The following ZNF541 variants were observed in gnomAD, a reference collection of about 807,000 sequenced individuals.
The protein encoded by ZNF541 is zinc finger protein 541.
In ZNF541, 23 loss-of-function variants were observed where a neutral mutation model predicts 123.5. The ratio of observed to expected loss-of-function variants is 0.19; its 90% confidence interval spans 0.13 to 0.26. ZNF541 has a LOEUF of 0.26. Ranked by LOEUF, ZNF541 falls within the 10% of genes least tolerant of loss-of-function variation. ZNF541 has a pLI of 1.00. For synonymous variants in ZNF541, 751 were observed against 754.5 expected (o/e 1.00, Z 0.08); for missense variants, 1,612 against 1,789.9 (o/e 0.90, Z 1.79).
At chr19:47,525,520 T>G (rs1750230433) in intron 14 of ZNF541, among the ~76,000 whole-genome samples, 1 of 152,128 alleles carries the variant, frequency 6.6e-6, no homozygotes, top group South Asian at 2.1e-4. Flanking sequence ...CAAATGAATA[T>G]CCACATGCAA....
chr19:47,536,327 C>T (rs112871980), intron 9 of ZNF541, among the ~76,000 whole-genome samples: 2 of 152,150 alleles, frequency 1.3e-5, no homozygotes, highest in African/African-American at 4.8e-5. Context: ...CAACACTGCA[C>T]CCTCAGTTCA....
Position 47,530,471 on chromosome 19 carries a change from C to T in ZNF541, c.3406-819G>A, listed in dbSNP as rs902237217. ...AAAGTGCTGGGATTACAGGCGTGAG[C>T]CATGCGCCTGGCCTAGCTAACAATT... On this transcript the variant is annotated intron_variant, in intron 12 of 16. Coordinates refer to ENST00000391901, the MANE Select transcript of ZNF541 (RefSeq NM_001277075.3). Among the ~76,000 whole-genome samples the T allele has an allele frequency of 3.3e-5, 5 of 151,882 alleles. No individual in the cohort carries two copies. In the South Asian group the frequency reaches 6.2e-4, roughly 19 times the overall value.
At chr19:47,539,434 G>A (rs1376640518) in intron 8 of ZNF541, among the ~76,000 whole-genome samples, 1 of 151,712 alleles carries the variant, frequency 6.6e-6, no homozygotes, top group African/African-American at 2.4e-5. Context: ...CGAGTAGCTG[G>A]GTTTACAGGT....
Position 47,521,365 on chromosome 19 carries a change from C to A in ZNF541, c.3900G>T (p.Lys1300Asn). The A allele has an allele frequency of 6.4e-7, 1 of 1,551,784 alleles. No individual in the cohort carries two copies. The change falls in exon 17 of 17, where the codon AAG becomes AAT. Residue 1300 changes from lysine (K) to asparagine (N), a missense_variant. Lys to Asn is a moderately conservative substitution (Grantham distance 94). Transcript: ENST00000391901. This position sits in a 1 kb window ranked among gnomAD's most constrained non-coding sequence, Gnocchi z 4.2. ...PCRECERVFD[K>N]IKSRNAHMKR... ...TCATATGGGCATTTCGACTCTTGAT[C>A]TTGTCAAACACCCTGAGGAGTCACC...
Position 47,545,660 on chromosome 19 carries a change from G to T in ZNF541, c.869C>A (p.Pro290His). Reference protein sequence around the residue: ...SSIVHQKTPSPGPAPAGASDS... With the variant: ...SSIVHQKTPSHGPAPAGASDS... ...TGAAGCCCCCGCCGGGGCTGGGCCA[G>T]GAGAAGGGGTCTTCTGGTGGACGAT... The change falls in exon 5 of 17, where the codon CCT becomes CAT. Residue 290 changes from proline to histidine, a missense_variant. Pro to His is a moderately conservative substitution (Grantham distance 77). Coordinates refer to ENST00000391901, the MANE Select transcript of ZNF541 (RefSeq NM_001277075.3). This position sits in a 1 kb window ranked among gnomAD's most constrained non-coding sequence, Gnocchi z 7.5. 1.3e-6 allele frequency: 2 copies of T among 1,549,672 alleles called. No individual in the cohort carries two copies. The highest frequency in any genetic ancestry group is 4.9e-5 in the East Asian group (2 of 40,896).
Position 47,538,413 on chromosome 19 carries a change from T to G in ZNF541, c.2823A>C (p.Arg941=). ...AMGQEKDGEE[R]DSKESSQQRK... is the part of the protein sequence containing the mutation. The stretch of plus-strand genomic sequence containing the variant: ...TCTGCTGGCTGCTCTCCTTGCTGTC[T>G]CGCTCCTCCCCGTCTTTCTCTTGTC... Residue 941 remains arginine, a synonymous_variant, in exon 9 of 17, where the codon CGA becomes CGC. Transcript: ENST00000391901. The G allele has an allele frequency of 6.5e-7, 1 of 1,533,744 alleles. No individual in the cohort carries two copies. Among genetic ancestry groups the G allele is most frequent in the Non-Finnish European group, 8.8e-7 (1 of 1,138,166 alleles).
chr19:47,570,177 G>C (rs557291463), intron 2 of ZNF541, among the ~76,000 whole-genome samples: 1 of 151,846 alleles, frequency 6.6e-6, no homozygotes, highest in African/African-American at 2.4e-5. Context: ...GGGAGGCTGA[G>C]GCAGGAGAAT....
At chr19:47,529,436 C>T (rs2122933715) in intron 13 of ZNF541, 141 bp downstream of exon 13, 3 of 802,130 alleles carry the variant, frequency 3.7e-6, no homozygotes, top group Non-Finnish European at 5.9e-6. Flanking sequence ...TGAGTCATCC[C>T]GACAAGGACA....
intron 4 of ZNF541, among the ~76,000 whole-genome samples, chr19:47,548,665 C>T (rs920403915): frequency 2.0e-5 from 3 of 152,214 alleles, no homozygotes; most frequent in African/African-American, 4.8e-5. Context: ...AGCTGTTAGG[C>T]GTTTTTAACC....
intron 12 of ZNF541, 50 bp from the exon 13 acceptor site, chr19:47,529,702 A>G: frequency 1.4e-6 from 2 of 1,475,802 alleles, no homozygotes; most frequent in African/African-American, 2.8e-5. Flanking sequence ...GGGGAAGAGG[A>G]CCACAGGCAT....
chr19:47,524,554 A>G (rs894216854), intron 14 of ZNF541, among the ~76,000 whole-genome samples: 32 of 152,054 alleles, frequency 2.1e-4, no homozygotes, highest in African/African-American at 7.7e-4. Context: ...AAAAATACAA[A>G]AAATTTAGCC....
chr19:47,544,171 C>T lies in ZNF541; in HGVS notation c.2358G>A (p.Pro786=), dbSNP rs1397162301. 12 of 1,551,612 alleles carry T rather than the reference C, an allele frequency of 7.7e-6. No homozygotes were observed. Among genetic ancestry groups the T allele is most frequent in the Admixed American group, 5.9e-5 (3 of 51,000 alleles). Reference sequence around the variant, plus strand: ...TCAGCTTGGACTTGGAGGGATCTGCCGGGGGCCCGGCCGATGAGAAGGAGG... The same window carrying T: ...TCAGCTTGGACTTGGAGGGATCTGCTGGGGGCCCGGCCGATGAGAAGGAGG... ...AMASFSSAGP[P]ADPSKSKLTI... is the part of the protein sequence containing the mutation. Residue 786 remains proline, a synonymous_variant, in exon 5 of 17, where the codon CCG becomes CCA. Transcript: ENST00000391901.
At chr19:47,572,286 G>A (rs1275745534) in intron 1 of ZNF541, among the ~76,000 whole-genome samples, 1 of 152,156 alleles carries the variant, frequency 6.6e-6, no homozygotes, top group Non-Finnish European at 1.5e-5. Context: ...CTTAATTAGG[G>A]CAGAATTGGT....
rs1172370078 is a variant in ZNF541 at position 47,545,494 on chromosome 19, C to A, written c.1035G>T (p.Pro345=). The change falls in exon 5 of 17, where the codon CCG becomes CCT. Residue 345 remains proline, a synonymous_variant. Coordinates refer to ENST00000391901, the MANE Select transcript of ZNF541 (RefSeq NM_001277075.3). The surrounding 1 kb of genome is among the most constrained non-coding windows in gnomAD (Gnocchi z 7.5). ...TAGGGGCTGTGAACACGTCAGTGGC[C>A]GGCTCTTTCTGTGGGAGGCAAGGCT... ...PEEPCLPQKE[P]ATDVFTAPNS... 2 of 1,495,030 alleles carry A rather than the reference C, an allele frequency of 1.3e-6. No individual in the cohort carries two copies. Among genetic ancestry groups the A allele is most frequent in the African/African-American group, 1.4e-5 (1 of 71,374 alleles). The allele number at this position is 1,495,030 out of a possible 1,614,324, so 92.6% of individuals were successfully genotyped here. A position where few individuals can be genotyped will look rare whatever the true frequency, so the allele number is the denominator to read the frequency against.
chr19:47,571,797 G>C (rs1249086987), intron 2 of ZNF541, among the ~76,000 whole-genome samples, 99 bp downstream of exon 2: 1 of 152,168 alleles, frequency 6.6e-6, no homozygotes, highest in Non-Finnish European at 1.5e-5. Context: ...ATTACCATTA[G>C]TACGGACTTT....
At chr19:47,563,433 C>T (rs1290415377) in intron 2 of ZNF541, among the ~76,000 whole-genome samples, 1 of 152,112 alleles carries the variant, frequency 6.6e-6, no homozygotes, top group African/African-American at 2.4e-5. Flanking sequence ...ATTCTCAGAG[C>T]TTTTTGGGTT....
At chr19:47,569,672 G>C (rs182612556) in intron 2 of ZNF541, among the ~76,000 whole-genome samples, 1 of 151,782 alleles carries the variant, frequency 6.6e-6, no homozygotes, top group South Asian at 2.1e-4. Flanking sequence ...AGACCAGCCC[G>C]GGCAACAAAG....
At chr19:47,522,833 G>A (rs1161900299) in intron 14 of ZNF541, among the ~76,000 whole-genome samples, 3 of 140,994 alleles carry the variant, frequency 2.1e-5, no homozygotes, top group African/African-American at 8.0e-5. Flanking sequence ...TGCAACCTCC[G>A]CCTCCCGGGT....
chr19:47,549,054 G>A (rs1052668931), intron 4 of ZNF541, among the ~76,000 whole-genome samples, 191 bp downstream of exon 4: 3 of 140,224 alleles, frequency 2.1e-5, no homozygotes, highest in South Asian at 4.9e-4. Flanking sequence ...ACTCCAGCCC[G>A]GATGACAGAC....
Sources: gnomAD v4.1 joint callset for allele counts (sites outside exome capture counted in the v4.1 genomes callset) on GRCh38, gnomAD v4.1.1 for gene constraint, Gnocchi (gnomAD v3.1) non-coding constraint, MANE v1.5 for transcripts, NCBI Gene and HGNC (gene_info 2026-07-23, HGNC 2026-07-21) for gene names.